PAK5: variants seen among roughly 807,000 people sequenced by gnomAD.
The protein encoded by PAK5 is p21 (RAC1) activated kinase 5.
A neutral mutation model predicts 65.9 loss-of-function variants in PAK5; 16 were observed. That is an observed-to-expected ratio of 0.24 (90% CI 0.16 to 0.37). The LOEUF (loss-of-function observed/expected upper bound fraction) is 0.37. PAK5 is among the 10% of genes least tolerant of loss of function. The probability of loss-of-function intolerance (pLI) is 1.00; values close to 1 mark genes in which losing one functional copy is unlikely to be tolerated. For missense variants in PAK5, 785 were observed against 903.9 expected, an observed-to-expected ratio of 0.87 and a Z score of 1.69; for synonymous variants, 371 against 354.9, an observed-to-expected ratio of 1.05 and a Z score of -0.51.
intron 3 of PAK5, among the ~76,000 whole-genome samples, chr20:9,609,133 C>T (rs2046510630): frequency 2.6e-5 from 2 of 76,164 alleles, no homozygotes; most frequent in South Asian, 1.2e-3. Flanking sequence ...TTGGCAACCA[C>T]ATGATGCTGG....
rs77121410 is a variant in PAK5 at position 9,538,330 on chromosome 20, C to T, written c.*1132G>A. 1.8e-4 allele frequency: 42 copies of T among 233,548 alleles called. No individual in the cohort carries two copies. The highest frequency in any genetic ancestry group is 1.6e-3 in the East Asian group (26 of 16,558). 14.5% of individuals were successfully genotyped at this position (233,548 alleles called of 1,614,324 possible). On this transcript the variant is annotated 3_prime_UTR_variant, in exon 10 of 10. Transcript: ENST00000353224. ...CTAGAGTCAGTTCAGACTTCCAGCA[C>T]GATACATGAACAATAGCGATTAATA...
intron 1 of PAK5, among the ~76,000 whole-genome samples, chr20:9,787,279 C>T (rs572181050): frequency 6.6e-6 from 1 of 152,254 alleles, no homozygotes; most frequent in Non-Finnish European, 1.5e-5. Context: ...CCCTCTCCCT[C>T]TTTCTATTCC....
At chr20:9,608,875 C>A (rs1205733893) in intron 3 of PAK5, among the ~76,000 whole-genome samples, 2 of 152,206 alleles carry the variant, frequency 1.3e-5, no homozygotes, top group Non-Finnish European at 2.9e-5. Flanking sequence ...GCTCCTTCAT[C>A]TATCTGATGC....
intron 2 of PAK5, among the ~76,000 whole-genome samples, chr20:9,647,655 T>A (rs2047151148): frequency 6.6e-6 from 1 of 152,192 alleles, no homozygotes; most frequent in African/African-American, 2.4e-5. Context: ...ACAGCTGAAT[T>A]AATCTACCTA....
intron 7 of PAK5, among the ~76,000 whole-genome samples, chr20:9,549,030 A>G (rs1186409312): frequency 6.6e-6 from 1 of 152,152 alleles, no homozygotes; most frequent in Non-Finnish European, 1.5e-5. Flanking sequence ...AGAATTTCAC[A>G]TGTAGTATGA....
At chr20:9,589,722 G>T (rs1367397679) in intron 3 of PAK5, among the ~76,000 whole-genome samples, 2 of 152,122 alleles carry the variant, frequency 1.3e-5, no homozygotes, top group African/African-American at 4.8e-5. Context: ...CCAGGCTGGA[G>T]TGCAATGGTG....
chr20:9,659,944 C>A (rs1569025476), intron 2 of PAK5, among the ~76,000 whole-genome samples: 1 of 152,128 alleles, frequency 6.6e-6, no homozygotes, highest in South Asian at 2.1e-4. Context: ...TTCTCTATAA[C>A]AGCAAGTATG....
chr20:9,620,910 T>A (rs1455112667), intron 3 of PAK5, among the ~76,000 whole-genome samples: 1 of 149,582 alleles, frequency 6.7e-6, no homozygotes, highest in Admixed American at 6.7e-5. Flanking sequence ...ATATATATAT[T>A]AATATATTGT....
At chr20:9,542,811 GA>G in intron 8 of PAK5, 91 bp from the exon 9 acceptor site, 12 of 1,139,566 alleles carry the variant, frequency 1.1e-5, no homozygotes, top group South Asian at 1.4e-5. Context: ...ATTCACAAGT[GA>G]CTATGGCACT....
At chr20:9,609,683 T>G (rs985993629) in intron 3 of PAK5, among the ~76,000 whole-genome samples, 3 of 152,194 alleles carry the variant, frequency 2.0e-5, no homozygotes, top group Non-Finnish European at 4.4e-5. Flanking sequence ...TCCTGGAAGA[T>G]TTTACACCAG....
At chr20:9,694,859 A>G (rs879399294) in intron 2 of PAK5, among the ~76,000 whole-genome samples, 8 of 152,136 alleles carry the variant, frequency 5.3e-5, no homozygotes, top group Non-Finnish European at 8.8e-5. Flanking sequence ...CTGAATGTTC[A>G]AGTACGTGTC....
Position 9,580,625 on chromosome 20 carries a change from C to G in PAK5, c.510G>C (p.Gly170=), listed in dbSNP as rs774970992. The part of the protein sequence containing the change: ...YRGSHAAKQN[G]HVMKMKHGEA... ...CCCCGTGCTTCATTTTCATTACGTGCCCATTTTGCTTGGCTGCGTGGCTGC... is the reference window on the plus strand; with the variant it reads ...CCCCGTGCTTCATTTTCATTACGTGGCCATTTTGCTTGGCTGCGTGGCTGC... Residue 170 remains glycine (G), a synonymous_variant, in exon 4 of 10, where the codon GGG becomes GGC. Transcript: ENST00000353224. 6 of 1,613,890 alleles carry G rather than the reference C, an allele frequency of 3.7e-6. No homozygotes were observed. The highest frequency in any genetic ancestry group is 1.3e-5 in the African/African-American group (1 of 74,862).
At chr20:9,677,837 C>G in intron 2 of PAK5, among the ~76,000 whole-genome samples, 1 of 152,282 alleles carries the variant, frequency 6.6e-6, no homozygotes, top group Non-Finnish European at 1.5e-5. Context: ...CTTGAAATAC[C>G]GTTTATGCTC....
intron 2 of PAK5, among the ~76,000 whole-genome samples, chr20:9,649,687 C>A (rs2047178680): frequency 1.3e-5 from 2 of 152,130 alleles, no homozygotes; most frequent in Admixed American, 1.3e-4. Context: ...AAATAACAGG[C>A]AAATGCAGCA....
At chr20:9,768,311 A>AT (rs1491286071) in intron 1 of PAK5, among the ~76,000 whole-genome samples, 1 of 152,080 alleles carries the variant, frequency 6.6e-6, no homozygotes, top group African/African-American at 2.4e-5. Context: ...ACACATGGAC[A>AT]TAAACATAGG....
chr20:9,597,867 C>A (rs2094311921), intron 3 of PAK5, among the ~76,000 whole-genome samples: 1 of 152,190 alleles, frequency 6.6e-6, no homozygotes, highest in Non-Finnish European at 1.5e-5. Context: ...GAAGCTGATG[C>A]GAGTGAGCCC....
intron 1 of PAK5, among the ~76,000 whole-genome samples, chr20:9,729,781 G>T (rs892543793): frequency 2.5e-5 from 2 of 81,264 alleles, no homozygotes; most frequent in Admixed American, 1.5e-4. Flanking sequence ...GCTGTGTTTT[G>T]TTTTTTTGTT....
intron 1 of PAK5, among the ~76,000 whole-genome samples, chr20:9,717,920 G>A (rs1295104845): frequency 2.0e-5 from 3 of 152,050 alleles, no homozygotes; most frequent in Admixed American, 6.6e-5. Flanking sequence ...GCGCTCGGCC[G>A]CCATTTTGTA....
intron 3 of PAK5, among the ~76,000 whole-genome samples, chr20:9,606,754 G>A (rs2046462197): frequency 6.6e-6 from 1 of 152,138 alleles, no homozygotes; most frequent in African/African-American, 2.4e-5. Flanking sequence ...GATCTGATGT[G>A]TTTCCTTTGT....
Sources: allele counts gnomAD v4.1 joint callset (sites outside exome capture counted in the v4.1 genomes callset), GRCh38; gene constraint gnomAD v4.1.1; transcripts MANE v1.5; gene names NCBI Gene and HGNC (gene_info 2026-07-23, HGNC 2026-07-21).